ALCAM: variants seen among roughly 807,000 people sequenced by gnomAD.
The protein encoded by ALCAM is activated leukocyte cell adhesion molecule.
A neutral mutation model predicts 70.9 loss-of-function variants in ALCAM; 30 were observed. That is an observed-to-expected ratio of 0.42 (90% CI 0.32 to 0.57). ALCAM has a LOEUF of 0.57. Ranked by LOEUF, ALCAM falls within the 20% of genes least tolerant of loss-of-function variation. The probability of loss-of-function intolerance (pLI) is 0.11; values close to 1 mark genes in which losing one functional copy is unlikely to be tolerated. For missense variants in ALCAM, 591 were observed against 695.1 expected (o/e 0.85, Z 1.68); for synonymous variants, 249 against 242.5 (o/e 1.03, Z -0.25).
intron 1 of ALCAM, among the ~76,000 whole-genome samples, chr3:105,511,043 A>C (rs1202604886): frequency 6.6e-6 from 1 of 151,998 alleles, no homozygotes; most frequent in Non-Finnish European, 1.5e-5. Flanking sequence ...ATCTCTACTC[A>C]TTGCCTTCCT....
At chr3:105,561,422 A>G (rs1200058501) in intron 14 of ALCAM, among the ~76,000 whole-genome samples, 2 of 152,094 alleles carry the variant, frequency 1.3e-5, no homozygotes, top group African/African-American at 4.8e-5. Context: ...GCTGAATAGA[A>G]ATGTTCAGAA....
intron 1 of ALCAM, among the ~76,000 whole-genome samples, chr3:105,501,491 A>T (rs1030698817): frequency 6.6e-6 from 1 of 152,138 alleles, no homozygotes; most frequent in African/African-American, 2.4e-5. Context: ...TTGACATCAG[A>T]AGAGTATGCA....
At chr3:105,432,890 C>T (rs1011898063) in intron 1 of ALCAM, among the ~76,000 whole-genome samples, 10 of 152,126 alleles carry the variant, frequency 6.6e-5, no homozygotes, top group Admixed American at 5.9e-4. Flanking sequence ...TTGTTCTAAT[C>T]ATATTCTGTG....
chr3:105,492,296 G>A (rs972748565), intron 1 of ALCAM, among the ~76,000 whole-genome samples: 3 of 152,082 alleles, frequency 2.0e-5, no homozygotes, highest in Non-Finnish European at 4.4e-5. Context: ...GGAGATTATG[G>A]TAACTACAAT....
At chr3:105,389,635 A>G (rs1198024981) in intron 1 of ALCAM, among the ~76,000 whole-genome samples, 1 of 151,484 alleles carries the variant, frequency 6.6e-6, no homozygotes, top group Non-Finnish European at 1.5e-5. Context: ...CAGATTTGTT[A>G]AATAGGTAAA....
Position 105,534,531 on chromosome 3 carries a change from A to G in ALCAM, c.548-132A>G, listed in dbSNP as rs1333434388. 9 of 802,232 alleles carry G rather than the reference A, an allele frequency of 1.1e-5. No homozygotes were observed. In the Admixed American group the frequency reaches 2.0e-4, roughly 18 times the overall value. The allele number at this position is 802,232 out of a possible 1,614,324, so 49.7% of individuals were successfully genotyped here. A position where few individuals can be genotyped will look rare whatever the true frequency, so the allele number is the denominator to read the frequency against. ...TTGAAACGACATCTAACCTCACTAC[A>G]TGTCAATTTTCTCTCCTGCTGAATA... On this transcript the variant is annotated intron_variant, in intron 5 of 15. Coordinates refer to ENST00000306107, the MANE Select transcript of ALCAM (RefSeq NM_001627.4).
At chr3:105,508,001 T>C (rs1939128725) in intron 1 of ALCAM, among the ~76,000 whole-genome samples, 1 of 152,120 alleles carries the variant, frequency 6.6e-6, no homozygotes, top group Non-Finnish European at 1.5e-5. Context: ...GTTCCTGATC[T>C]GAAAGATGCC....
At chr3:105,399,381 G>A (rs147752090) in intron 1 of ALCAM, among the ~76,000 whole-genome samples, 1 of 151,998 alleles carries the variant, frequency 6.6e-6, no homozygotes, top group African/African-American at 2.4e-5. Context: ...AACTTTGTAA[G>A]TTTGAAAGTA....
intron 1 of ALCAM, among the ~76,000 whole-genome samples, chr3:105,412,494 C>T (rs1936414583): frequency 1.3e-5 from 2 of 151,956 alleles, no homozygotes; most frequent in Admixed American, 6.6e-5. Context: ...GTAAAATTAG[C>T]GATCCATATG....
At position 105,562,617 on chromosome 3, in the gene ALCAM, C is replaced by A. The variant is rs1022347583; in HGVS notation, c.1665-9235C>A. Among the ~76,000 whole-genome samples the A allele has an allele frequency of 9.2e-5, 14 of 152,204 alleles. No homozygotes were observed. In the East Asian group the frequency reaches 2.7e-3, roughly 29 times the overall value. ...TTTTGTTTTCTTATAACATTCCCATCAAGTTTTGGTACTAGAATAATGTGG... is the reference window on the plus strand; with the variant it reads ...TTTTGTTTTCTTATAACATTCCCATAAAGTTTTGGTACTAGAATAATGTGG... On this transcript the variant is annotated intron_variant, in intron 14 of 15. Transcript: ENST00000306107.
intron 12 of ALCAM, among the ~76,000 whole-genome samples, chr3:105,551,597 G>A (rs1259021094): frequency 6.6e-6 from 1 of 151,362 alleles, no homozygotes; most frequent in African/African-American, 2.4e-5. Flanking sequence ...AAAGAGCATG[G>A]CATTATCAGA....
chr3:105,526,559 G>A (rs751240154), intron 3 of ALCAM, among the ~76,000 whole-genome samples: 2 of 152,106 alleles, frequency 1.3e-5, no homozygotes, highest in Non-Finnish European at 2.9e-5. Context: ...CAGGCTGTGG[G>A]CCAGGGAGAA....
chr3:105,518,916 A>T (rs949534935), intron 1 of ALCAM, among the ~76,000 whole-genome samples: 6 of 152,094 alleles, frequency 3.9e-5, no homozygotes. Flanking sequence ...ATGGTGATTG[A>T]TAGATAACAG....
intron 1 of ALCAM, among the ~76,000 whole-genome samples, chr3:105,392,088 A>G (rs1162813988): frequency 6.6e-6 from 1 of 151,994 alleles, no homozygotes; most frequent in African/African-American, 2.4e-5. Context: ...GTCTCACAAA[A>G]TGAGTTAGGA....
intron 14 of ALCAM, among the ~76,000 whole-genome samples, chr3:105,556,899 T>C (rs1204608724): frequency 6.6e-6 from 1 of 151,996 alleles, no homozygotes; most frequent in Non-Finnish European, 1.5e-5. Context: ...ACCTACCGTT[T>C]TTCTCTTTTT....
rs545550896 is a variant in ALCAM, at chr3:105,522,522, C to T, written c.175-1767C>T. Among the ~76,000 whole-genome samples, 17 of 152,274 alleles carry T rather than the reference C, an allele frequency of 1.1e-4. No individual in the cohort carries two copies. In the South Asian group the frequency reaches 3.5e-3, roughly 32 times the overall value. On this transcript the variant is annotated intron_variant, in intron 2 of 15. Transcript: ENST00000306107. ...TAGAGAAGAAATGGCCTGATTTCTC[C>T]TGGATCATATTGTAAACTCCCTGTG... is the stretch of plus-strand genomic sequence containing the variant.
intron 1 of ALCAM, among the ~76,000 whole-genome samples, chr3:105,452,194 G>T: frequency 6.6e-6 from 1 of 150,580 alleles, no homozygotes; most frequent in Non-Finnish European, 1.5e-5. Flanking sequence ...TGCACTTATT[G>T]ACCCATCCTC....
At chr3:105,423,649 C>T (rs985940159) in intron 1 of ALCAM, among the ~76,000 whole-genome samples, 1 of 151,508 alleles carries the variant, frequency 6.6e-6, no homozygotes, top group African/African-American at 2.4e-5. Context: ...GTTTGTAACG[C>T]AACACTTGCA....
At chr3:105,552,691 G>A in intron 14 of ALCAM, 106 bp downstream of exon 14, 1 of 1,567,132 alleles carries the variant, frequency 6.4e-7, no homozygotes, top group Non-Finnish European at 8.7e-7. Flanking sequence ...TATACAATAA[G>A]GAAGATGTAT....
Sources: allele counts gnomAD v4.1 joint callset (sites outside exome capture counted in the v4.1 genomes callset), GRCh38; gene constraint gnomAD v4.1.1; transcripts MANE v1.5; gene names NCBI Gene and HGNC (gene_info 2026-07-23, HGNC 2026-07-21).